Variants in TMEM178B observed in about 807,000 individuals in gnomAD.
TMEM178B encodes the protein transmembrane protein 178B.
TMEM178B carries 5 observed loss-of-function variants against 31.0 expected under a neutral mutation model. The ratio of observed to expected loss-of-function variants is 0.16; its 90% CI spans 0.08 to 0.34. The LOEUF is 0.34. TMEM178B is among the 10% of genes least tolerant of loss of function. The pLI is 1.00. For synonymous variants in TMEM178B, 164 were observed against 164.0 expected, an observed-to-expected ratio of 1.00 and a Z score of 0.00; for missense variants, 275 against 400.3, an observed-to-expected ratio of 0.69 and a Z score of 2.67.
intron 3 of TMEM178B, among the ~76,000 whole-genome samples, chr7:141,439,822 T>G (rs1801625231): frequency 6.6e-6 from 1 of 152,172 alleles, no homozygotes; most frequent in Non-Finnish European, 1.5e-5. Flanking sequence ...CCTTCATGGT[T>G]TTTCATTCTC....
intron 2 of TMEM178B, among the ~76,000 whole-genome samples, chr7:141,362,426 A>C (rs568522816): frequency 6.6e-6 from 1 of 152,166 alleles, no homozygotes; most frequent in African/African-American, 2.4e-5. Context: ...TCATAGTAAA[A>C]TGCTGTCCCC....
intron 2 of TMEM178B, among the ~76,000 whole-genome samples, chr7:141,269,183 C>T (rs758062002): frequency 2.6e-5 from 4 of 151,918 alleles, no homozygotes; most frequent in Middle Eastern, 3.4e-3. Context: ...CTACACCTCC[C>T]GGGTTCAAGC....
Position 141,317,666 on chromosome 7 carries a change from C to T in TMEM178B, c.496+104962C>T, listed in dbSNP as rs1342025226. On this transcript the variant is annotated intron_variant, in intron 2 of 3. Coordinates refer to ENST00000565468, the MANE Select transcript of TMEM178B (RefSeq NM_001195278.2). ...AGAATCTCTGTGTGCTCTGATCAAG[C>T]TTTCAGCATAAAACTGATTAGAAAC... Among the ~76,000 whole-genome samples the T allele has an allele frequency of 2.6e-5, 4 of 152,164 alleles. No homozygotes were observed. The East Asian group carries it at 5.8e-4, about 22-fold the overall frequency.
intron 1 of TMEM178B, among the ~76,000 whole-genome samples, chr7:141,083,280 A>G (rs1794716993): frequency 6.6e-6 from 1 of 152,234 alleles, no homozygotes; most frequent in Admixed American, 6.5e-5. Context: ...TTTCGAGAGA[A>G]TTCATATATT....
intron 2 of TMEM178B, among the ~76,000 whole-genome samples, chr7:141,331,300 G>A (rs191097871): frequency 4.4e-4 from 67 of 152,336 alleles, no homozygotes; most frequent in Non-Finnish European, 8.7e-4. Context: ...TGAATCCTGG[G>A]CACTTGAAAG....
Position 141,476,464 on chromosome 7 carries a change from C to T in TMEM178B, c.*5678C>T, listed in dbSNP as rs1384342384. On this transcript the variant is annotated 3_prime_UTR_variant, in exon 4 of 4. Coordinates refer to ENST00000565468, the MANE Select transcript of TMEM178B (RefSeq NM_001195278.2). ...GTATTTTTTTTTTTAATTCTCCTAA[C>T]GTTATTTCTAGCTGTACATTCCCAA... is the stretch of plus-strand genomic sequence containing the variant. 1 of 151,834 alleles carries T rather than the reference C, an allele frequency of 6.6e-6. No individual in the cohort carries two copies. The highest frequency in any genetic ancestry group is 1.5e-5 in the Non-Finnish European group (1 of 67,980). 9.4% of individuals were successfully genotyped at this position (151,834 alleles called of 1,614,324 possible).
intron 1 of TMEM178B, among the ~76,000 whole-genome samples, chr7:141,147,925 A>G (rs549979656): frequency 9.9e-5 from 15 of 152,224 alleles, no homozygotes; most frequent in Non-Finnish European, 2.1e-4. Flanking sequence ...TGTACAGGGG[A>G]GAAGAAGAGA....
chr7:141,503,154 C>T, the TMEM178B span, among the ~76,000 whole-genome samples: 1 of 152,194 alleles, frequency 6.6e-6, no homozygotes, highest in Non-Finnish European at 1.5e-5. Context: ...CCATTGAATA[C>T]TCATTTGGAC....
intron 2 of TMEM178B, among the ~76,000 whole-genome samples, chr7:141,316,155 A>G (rs1211036802): frequency 6.6e-6 from 1 of 152,158 alleles, no homozygotes; most frequent in Non-Finnish European, 1.5e-5. Context: ...GGATTCAGGC[A>G]CAACTTGGCC....
At chr7:141,176,438 G>C (rs758309358) in intron 1 of TMEM178B, among the ~76,000 whole-genome samples, 5 of 152,158 alleles carry the variant, frequency 3.3e-5, no homozygotes, top group Admixed American at 2.0e-4. Context: ...TTGTGTCTCT[G>C]TCAGGTTTTG....
intron 1 of TMEM178B, among the ~76,000 whole-genome samples, chr7:141,165,625 C>T (rs572371635): frequency 1.3e-5 from 2 of 152,288 alleles, no homozygotes; most frequent in African/African-American, 4.8e-5. Flanking sequence ...ACATTCAGCT[C>T]CACCTCCTGG....
chr7:141,167,844 G>A (rs1425680592), intron 1 of TMEM178B, among the ~76,000 whole-genome samples: 1 of 152,168 alleles, frequency 6.6e-6, no homozygotes. Context: ...TACCCGTTGT[G>A]CCCCAGGGAA....
In TMEM178B at chr7:141,461,324, G is replaced by A. The variant is rs1342186011; in HGVS notation, c.635-9212G>A. Among the ~76,000 whole-genome samples, 1 of 152,204 alleles carries A rather than the reference G, an allele frequency of 6.6e-6. No individual in the cohort carries two copies. Among genetic ancestry groups the A allele is most frequent in the Non-Finnish European group, 1.5e-5 (1 of 68,038 alleles). On this transcript the variant is annotated intron_variant, in intron 3 of 3. Transcript: ENST00000565468. The surrounding 1 kb of genome is among the most constrained non-coding windows in gnomAD (Gnocchi z 4.0). ...AGGCCCTCTCTCCACATAGCAACAA[G>A]AGAGGAAGCCAGGATTGGGGATCCG...
chr7:141,111,978 A>G (rs1348034737), intron 1 of TMEM178B, among the ~76,000 whole-genome samples: 1 of 152,228 alleles, frequency 6.6e-6, no homozygotes, highest in Non-Finnish European at 1.5e-5. Context: ...TGACAAAGGC[A>G]GAAACATTTG....
At chr7:141,172,290 C>G (rs916624772) in intron 1 of TMEM178B, among the ~76,000 whole-genome samples, 5 of 152,176 alleles carry the variant, frequency 3.3e-5, no homozygotes, top group African/African-American at 1.2e-4. Context: ...AGAGTGAAAC[C>G]TCTGATCTGC....
intron 2 of TMEM178B, among the ~76,000 whole-genome samples, chr7:141,328,705 G>A (rs777074470): frequency 6.6e-6 from 1 of 152,182 alleles, no homozygotes; most frequent in African/African-American, 2.4e-5. Context: ...CTCTGACATG[G>A]GCCAAGGAGG....
At chr7:141,393,316 G>A (rs1205117118) in intron 2 of TMEM178B, among the ~76,000 whole-genome samples, 1 of 152,174 alleles carries the variant, frequency 6.6e-6, no homozygotes, top group Non-Finnish European at 1.5e-5. Context: ...TCAGCATCGA[G>A]GGGAAGTCAC....
chr7:141,110,781 G>A (rs1795222529), intron 1 of TMEM178B, among the ~76,000 whole-genome samples: 2 of 152,196 alleles, frequency 1.3e-5, no homozygotes, highest in Admixed American at 1.3e-4. Context: ...TCTGGGGTAA[G>A]GGAGTAATTG....
chr7:141,500,128 T>A, the TMEM178B span, among the ~76,000 whole-genome samples: 4 of 152,216 alleles, frequency 2.6e-5, no homozygotes, highest in African/African-American at 9.6e-5. Flanking sequence ...TAACACATTT[T>A]TTAAATGGGA....
Sources: gnomAD v4.1 joint callset for allele counts (sites outside exome capture counted in the v4.1 genomes callset) on GRCh38, gnomAD v4.1.1 for gene constraint, Gnocchi (gnomAD v3.1) non-coding constraint, MANE v1.5 for transcripts, NCBI Gene and HGNC (gene_info 2026-07-23, HGNC 2026-07-21) for gene names.